SH3RF3: variants seen among roughly 807,000 people sequenced by gnomAD.
SH3RF3 encodes the protein E3 ubiquitin-protein ligase SH3RF3.
A neutral mutation model predicts 66.3 loss-of-function variants in SH3RF3; 29 were observed. The observed-to-expected ratio is 0.44, with a 90% CI of 0.33 to 0.60. SH3RF3 has a LOEUF of 0.60. Among genes scored for constraint, SH3RF3 ranks in the 20% least tolerant of loss-of-function variants. SH3RF3 has a pLI of 0.04. For synonymous variants in SH3RF3, 583 were observed against 532.0 expected, an observed-to-expected ratio of 1.10 and a Z score of -1.32; for missense variants, 1,194 against 1,190.9, an observed-to-expected ratio of 1.00 and a Z score of -0.04.
At chr2:109,380,440 G>A (rs1683486800) in intron 3 of SH3RF3, among the ~76,000 whole-genome samples, 1 of 152,178 alleles carries the variant, frequency 6.6e-6, no homozygotes, top group Admixed American at 6.5e-5. Context: ...TTGGGTTGTG[G>A]TTCAGTGTTT....
At chr2:109,380,532 T>C (rs1312713878) in intron 3 of SH3RF3, among the ~76,000 whole-genome samples, 1 of 152,198 alleles carries the variant, frequency 6.6e-6, no homozygotes, top group Non-Finnish European at 1.5e-5. Flanking sequence ...GCAGTTCTTG[T>C]ATATCTGTGG....
chr2:109,133,570 C>CTT (rs1676746200), intron 1 of SH3RF3, among the ~76,000 whole-genome samples: 1 of 151,044 alleles, frequency 6.6e-6, no homozygotes, highest in Non-Finnish European at 1.5e-5. Flanking sequence ...AGAGTGAAGA[C>CTT]TAAGATTTTC....
At chr2:109,222,656 C>G (rs1167759101) in intron 1 of SH3RF3, among the ~76,000 whole-genome samples, 1 of 152,196 alleles carries the variant, frequency 6.6e-6, no homozygotes, top group Non-Finnish European at 1.5e-5. Flanking sequence ...CTATGCTGGC[C>G]CTGTGGAGCC....
intron 1 of SH3RF3, among the ~76,000 whole-genome samples, chr2:109,210,960 G>C (rs372989319): frequency 5.9e-5 from 9 of 152,340 alleles, no homozygotes; most frequent in African/African-American, 2.2e-4. Flanking sequence ...AGTGGGCTGG[G>C]TTTGGGGATG....
chr2:109,252,921 G>A (rs578210385), intron 1 of SH3RF3, among the ~76,000 whole-genome samples: 28 of 152,338 alleles, frequency 1.8e-4, no homozygotes, highest in African/African-American at 6.3e-4. Context: ...TCAGCCCATC[G>A]TAAGTAGGGG....
intron 1 of SH3RF3, among the ~76,000 whole-genome samples, chr2:109,191,647 T>C (rs770395676): frequency 6.6e-6 from 1 of 152,122 alleles, no homozygotes; most frequent in Non-Finnish European, 1.5e-5. Context: ...GTCCCAATAA[T>C]TGGAGCCACT....
At chr2:109,144,901 G>T (rs1357662089) in intron 1 of SH3RF3, among the ~76,000 whole-genome samples, 1 of 152,252 alleles carries the variant, frequency 6.6e-6, no homozygotes, top group African/African-American at 2.4e-5. Flanking sequence ...CCAGAGCTGG[G>T]GTGCTGGGGC....
intron 1 of SH3RF3, among the ~76,000 whole-genome samples, chr2:109,213,338 G>T (rs774072398): frequency 6.6e-6 from 1 of 152,160 alleles, no homozygotes; most frequent in Admixed American, 6.5e-5. Context: ...CGCAGCCCGG[G>T]CATCTTGTCC....
At chr2:109,191,760 C>T (rs1678372378) in intron 1 of SH3RF3, among the ~76,000 whole-genome samples, 1 of 152,222 alleles carries the variant, frequency 6.6e-6, no homozygotes, top group Non-Finnish European at 1.5e-5. Context: ...CCAGCAGTCA[C>T]AGGGATCACA....
At chr2:109,482,591 A>G (rs1678863514) in intron 8 of SH3RF3, among the ~76,000 whole-genome samples, 1 of 152,154 alleles carries the variant, frequency 6.6e-6, no homozygotes, top group South Asian at 2.1e-4. Context: ...CATGACCCCT[A>G]AGAGGGGGAG....
intron 8 of SH3RF3, among the ~76,000 whole-genome samples, chr2:109,487,767 C>T (rs1679021217): frequency 6.6e-6 from 1 of 152,180 alleles, no homozygotes; most frequent in African/African-American, 2.4e-5. Flanking sequence ...TCCCTCTCTA[C>T]TCAGGGGCCA....
chr2:109,269,313 A>G (rs1381477395), intron 1 of SH3RF3, among the ~76,000 whole-genome samples: 1 of 152,238 alleles, frequency 6.6e-6, no homozygotes, highest in Non-Finnish European at 1.5e-5. Flanking sequence ...AGCAGCCAAG[A>G]TGGGAAAACC....
In SH3RF3 at chr2:109,398,647, T is replaced by A. The variant is rs1364627691; in HGVS notation, c.1003T>A (p.Ser335Thr). 3.1e-6 allele frequency: 5 copies of A among 1,603,092 alleles called. No homozygotes were observed. The highest frequency in any genetic ancestry group is 4.3e-6 in the Non-Finnish European group (5 of 1,175,472). Residue 335 changes from serine to threonine, a missense_variant, in exon 4 of 10, where the codon TCC becomes ACC. By Grantham distance (58) the Ser-to-Thr change is moderately conservative (BLOSUM62 1). Transcript: ENST00000309415. ...GGACAAGCCATGCCCAGCCGCTGCA[T>A]CCAGCTGCAATGCCTCCCTGCCCTC... The part of the protein sequence containing the change: ...EMDKPCPAAA[S>T]SCNASLPSDS...
At chr2:109,213,811 T>G (rs1171228304) in intron 1 of SH3RF3, among the ~76,000 whole-genome samples, 1 of 152,038 alleles carries the variant, frequency 6.6e-6, no homozygotes, top group African/African-American at 2.4e-5. Flanking sequence ...TGGTGTGGTG[T>G]GGTGGATGGG....
intron 1 of SH3RF3, among the ~76,000 whole-genome samples, chr2:109,264,802 C>T (rs552061317): frequency 6.0e-4 from 91 of 152,344 alleles, no homozygotes; most frequent in Admixed American, 2.6e-3. Flanking sequence ...CATCACCTAC[C>T]GTGCATGCCG....
chr2:109,184,351 G>C (rs1678137702), intron 1 of SH3RF3, among the ~76,000 whole-genome samples: 1 of 152,192 alleles, frequency 6.6e-6, no homozygotes, highest in Non-Finnish European at 1.5e-5. Context: ...TCGCACAAAG[G>C]CCAGGAGTTT....
At chr2:109,493,493 CCATA>C (rs1340077718) in intron 9 of SH3RF3, among the ~76,000 whole-genome samples, 9 of 151,814 alleles carry the variant, frequency 5.9e-5, no homozygotes, top group Admixed American at 1.3e-4. Context: ...CCCACATACA[CCATA>C]CAAACACATA....
At chr2:109,265,965 G>A (rs185392084) in intron 1 of SH3RF3, among the ~76,000 whole-genome samples, 41 of 152,186 alleles carry the variant, frequency 2.7e-4, no homozygotes, top group Non-Finnish European at 5.7e-4. Flanking sequence ...GAAATCCTTG[G>A]GAGCCCAGAC....
At chr2:109,381,802 C>T (rs915278282) in intron 3 of SH3RF3, among the ~76,000 whole-genome samples, 7 of 152,080 alleles carry the variant, frequency 4.6e-5, no homozygotes, top group African/African-American at 1.4e-4. Flanking sequence ...TTTTATGGCT[C>T]GCAGGGTCTG....
Sources: allele counts gnomAD v4.1 joint callset (sites outside exome capture counted in the v4.1 genomes callset), GRCh38; gene constraint gnomAD v4.1.1; transcripts MANE v1.5; gene names NCBI Gene and HGNC (gene_info 2026-07-23, HGNC 2026-07-21).